The following CELF5 variants were observed in gnomAD, a reference collection of about 807,000 sequenced individuals.
The protein encoded by CELF5 is CUGBP Elav-like family member 5.
Under a neutral mutation model 54.9 loss-of-function variants are expected in CELF5, and 6 were observed. The observed-to-expected ratio is 0.11, with a 90% CI of 0.06 to 0.22. The LOEUF (loss-of-function observed/expected upper bound fraction) is 0.22. Ranked by LOEUF, CELF5 falls within the 10% of genes least tolerant of loss-of-function variation. The probability of loss-of-function intolerance (pLI) is 1.00; values close to 1 mark genes in which losing one functional copy is unlikely to be tolerated. For missense variants in CELF5, 401 were observed against 678.6 expected (o/e 0.59, Z 4.54); for synonymous variants, 271 against 290.9 (o/e 0.93, Z 0.70).
At chr19:3,231,447 CGGATGGAT>C (rs111427441) in intron 1 of CELF5, among the ~76,000 whole-genome samples, 12,317 of 144,534 alleles carry the variant, frequency 0.085, 1,240 homozygotes, top group East Asian at 0.41. Flanking sequence ...GATGGGTGAA[CGGATGGAT>C]GGATGGATGG....
At chr19:3,264,485 G>A (rs559324738) in intron 2 of CELF5, among the ~76,000 whole-genome samples, 6 of 150,996 alleles carry the variant, frequency 4.0e-5, no homozygotes, top group South Asian at 2.1e-4. Context: ...GCGCAATCTC[G>A]GCTCACTGCA....
chr19:3,282,631 C>A lies in CELF5; in HGVS notation c.1039+133C>A. The stretch of plus-strand genomic sequence containing the variant: ...CAGGAAAAAGGGTGTCTCCGCTGAG[C>A]AGATAAGAGCTGTGGACACAGGAAG... On this transcript the variant is annotated intron_variant, in intron 8 of 12. Coordinates refer to ENST00000292672, the MANE Select transcript of CELF5 (RefSeq NM_021938.4). This position sits in a 1 kb window ranked among gnomAD's most constrained non-coding sequence, Gnocchi z 5.2. 3.0e-6 allele frequency: 3 copies of A among 997,028 alleles called. No homozygotes were observed. Among genetic ancestry groups the A allele is most frequent in the Non-Finnish European group, 4.4e-6 (3 of 688,984 alleles). The allele number at this position is 997,028 out of a possible 1,614,324, so 61.8% of individuals were successfully genotyped here.
intron 2 of CELF5, among the ~76,000 whole-genome samples, chr19:3,261,318 T>A (rs1309611615): frequency 6.6e-6 from 1 of 151,688 alleles, no homozygotes; most frequent in Admixed American, 6.6e-5. Context: ...TTCAGGAGGC[T>A]GAGGCAGGAG....
chr19:3,245,413 G>T (rs1340028774), intron 1 of CELF5, among the ~76,000 whole-genome samples: 3 of 149,884 alleles, frequency 2.0e-5, no homozygotes. Context: ...TGTGTGTGTG[G>T]TGTGTGGTGT....
At chr19:3,283,651 T>C (rs1202203291) in intron 8 of CELF5, among the ~76,000 whole-genome samples, 1 of 152,044 alleles carries the variant, frequency 6.6e-6, no homozygotes, top group African/African-American at 2.4e-5. Flanking sequence ...CATTTTATTT[T>C]GAAATGATTG....
At chr19:3,229,348 C>T (rs181057197) in intron 1 of CELF5, among the ~76,000 whole-genome samples, 29 of 152,312 alleles carry the variant, frequency 1.9e-4, no homozygotes, top group Non-Finnish European at 3.7e-4. Context: ...ATCCAGACCT[C>T]CCCTCCCACC....
intron 2 of CELF5, among the ~76,000 whole-genome samples, chr19:3,251,768 A>G (rs60147956): frequency 0.017 from 2,411 of 145,628 alleles, 63 homozygotes; most frequent in African/African-American, 0.059. Context: ...TCCGCCTCCC[A>G]GGTTCAAGTG....
At position 3,288,740 on chromosome 19, in the gene CELF5, C is replaced by T. The variant is rs542714074; in HGVS notation, c.1187-1491C>T. Reference sequence around the variant, plus strand: ...GTGCGTGCCTGTGGTCCCAGCTACTCGGGAGGCCAAAGTGGGGGGATTGCT... The same window carrying T: ...GTGCGTGCCTGTGGTCCCAGCTACTTGGGAGGCCAAAGTGGGGGGATTGCT... On this transcript the variant is annotated intron_variant, in intron 10 of 12. Transcript: ENST00000292672. 3.0e-4 allele frequency among the ~76,000 whole-genome samples: 46 copies of T among 152,068 alleles called. No individual in the cohort carries two copies. The South Asian group carries it at 6.7e-3, about 22-fold the overall frequency.
intron 1 of CELF5, among the ~76,000 whole-genome samples, chr19:3,245,045 C>T (rs2079545988): frequency 7.9e-6 from 1 of 127,216 alleles, no homozygotes. Context: ...GCATCTTGTC[C>T]ACGTGTGCGT....
At chr19:3,266,916 G>T (rs1051245861) in intron 2 of CELF5, among the ~76,000 whole-genome samples, 11 of 152,146 alleles carry the variant, frequency 7.2e-5, no homozygotes, top group African/African-American at 2.7e-4. Flanking sequence ...GGTTCGCCCT[G>T]TGCTGGAAAA....
intron 1 of CELF5, among the ~76,000 whole-genome samples, chr19:3,247,122 G>C (rs186878695): frequency 6.6e-6 from 1 of 152,098 alleles, no homozygotes; most frequent in African/African-American, 2.4e-5. Flanking sequence ...CTTCATGGTG[G>C]CTGCCACTTT....
At chr19:3,286,360 G>C (rs918341775) in intron 10 of CELF5, 1 of 313,078 alleles carries the variant, frequency 3.2e-6, no homozygotes. Flanking sequence ...GAGGTATCAG[G>C]TAATGAGGCC....
Position 3,286,032 on chromosome 19 carries a change from C to A in CELF5, c.1186+7C>A, listed in dbSNP as rs754659273. On this transcript the variant is annotated splice_region_variant and intron_variant, in intron 10 of 12. Transcript: ENST00000292672. Reference sequence around the variant, plus strand: ...CAGCAGCAGCAGCGAGAAGGTGAGGCGGCCGCAACCTCCCCTGGGCGCCAG... The same window carrying A: ...CAGCAGCAGCAGCGAGAAGGTGAGGAGGCCGCAACCTCCCCTGGGCGCCAG... 3.2e-4 allele frequency: 498 copies of A among 1,566,236 alleles called. 1 individual carries two copies. Among genetic ancestry groups the A allele is most frequent in the Non-Finnish European group, 4.2e-4 (489 of 1,165,798 alleles).
intron 1 of CELF5, among the ~76,000 whole-genome samples, chr19:3,247,625 A>T (rs780946852): frequency 3.3e-5 from 5 of 151,226 alleles, no homozygotes; most frequent in Admixed American, 6.6e-5. Flanking sequence ...AGACATAGAG[A>T]TGGTTGTATG....
chr19:3,255,066 C>A (rs2079704234), intron 2 of CELF5, among the ~76,000 whole-genome samples: 1 of 152,176 alleles, frequency 6.6e-6, no homozygotes, highest in South Asian at 2.1e-4. Flanking sequence ...ACTATTTACC[C>A]CACGCTATGC....
intron 2 of CELF5, among the ~76,000 whole-genome samples, chr19:3,266,946 G>A (rs573252613): frequency 8.9e-4 from 136 of 152,300 alleles, no homozygotes; most frequent in Non-Finnish European, 1.2e-3. Context: ...GGCGGCTCAC[G>A]TGCCTGCACA....
intron 9 of CELF5, 33 bp downstream of exon 9, chr19:3,284,997 C>CAGGCCCCGCCCCCGCCCA: frequency 6.9e-7 from 1 of 1,448,348 alleles, no homozygotes; most frequent in Non-Finnish European, 9.6e-7. Context: ...GCGCTGGGCC[C>CAGGCCCCGCCCCCGCCCA]TGGCCCCGCC....
chr19:3,272,971 T>C (rs1208595715), intron 2 of CELF5, among the ~76,000 whole-genome samples: 1 of 152,040 alleles, frequency 6.6e-6, no homozygotes, highest in Non-Finnish European at 1.5e-5. Context: ...AATTTTTTTT[T>C]CATTAAATAT....
chr19:3,272,424 C>T (rs12461055), intron 2 of CELF5, among the ~76,000 whole-genome samples: 18,724 of 151,922 alleles, frequency 0.12, 1,356 homozygotes, highest in African/African-American at 0.2. Flanking sequence ...CTTTTTCAAG[C>T]GTATTCTCTG....
Sources: allele counts gnomAD v4.1 joint callset (sites outside exome capture counted in the v4.1 genomes callset), GRCh38; gene constraint gnomAD v4.1.1; non-coding constraint Gnocchi (gnomAD v3.1); transcripts MANE v1.5; gene names NCBI Gene and HGNC (gene_info 2026-07-23, HGNC 2026-07-21).